The following KCNH1 variants were observed in gnomAD, a reference collection of about 807,000 sequenced individuals.
KCNH1 encodes voltage-gated delayed rectifier potassium channel KCNH1.
KCNH1 carries 27 observed loss-of-function variants against 69.2 expected under a neutral mutation model. That is an observed-to-expected ratio of 0.39 (90% CI 0.29 to 0.54). The LOEUF is 0.54. Among genes scored for constraint, KCNH1 ranks in the 20% least tolerant of loss-of-function variants. The pLI is 0.68. For synonymous variants in KCNH1, 456 were observed against 487.7 expected (o/e 0.93, Z 0.86); for missense variants, 798 against 1,261.6 (o/e 0.63, Z 5.57).
chr1:210,920,144 C>T (rs901821518), intron 6 of KCNH1, 75 bp from the exon 7 acceptor site: 103 of 1,339,726 alleles, frequency 7.7e-5, no homozygotes, highest in Non-Finnish European at 1.0e-4. Context: ...CCCACTTGGG[C>T]CATTATTTTA....
intron 10 of KCNH1, among the ~76,000 whole-genome samples, chr1:210,749,446 G>T (rs1204491496): frequency 6.6e-6 from 1 of 152,148 alleles, no homozygotes; most frequent in African/African-American, 2.4e-5. Flanking sequence ...GGCCCTAGTG[G>T]TAATGAACAG....
intron 7 of KCNH1, among the ~76,000 whole-genome samples, chr1:210,815,976 G>A (rs1684806317): frequency 6.6e-6 from 1 of 152,160 alleles, no homozygotes; most frequent in Admixed American, 6.5e-5. Flanking sequence ...GGACATCTGT[G>A]CTTCTTCCTC....
intron 5 of KCNH1, among the ~76,000 whole-genome samples, chr1:211,036,858 T>A (rs1689908316): frequency 6.6e-6 from 1 of 152,046 alleles, no homozygotes; most frequent in Non-Finnish European, 1.5e-5. Context: ...AGACTGGGAG[T>A]TCCCCAAAGG....
At chr1:210,927,904 G>T (rs186498412) in intron 6 of KCNH1, among the ~76,000 whole-genome samples, 1 of 152,070 alleles carries the variant, frequency 6.6e-6, no homozygotes, top group Non-Finnish European at 1.5e-5. Context: ...ATGAGCAGGA[G>T]TGGCTATTCT....
intron 7 of KCNH1, among the ~76,000 whole-genome samples, chr1:210,913,143 G>A (rs563570872): frequency 2.5e-4 from 38 of 152,252 alleles, no homozygotes; most frequent in African/African-American, 8.7e-4. Flanking sequence ...CAACTGAAAC[G>A]CATAGTAGTA....
At chr1:210,797,965 G>T (rs1684352218) in intron 8 of KCNH1, among the ~76,000 whole-genome samples, 1 of 151,854 alleles carries the variant, frequency 6.6e-6, no homozygotes, top group South Asian at 2.1e-4. Context: ...CAGGACAGGG[G>T]TCTGAGAATC....
intron 6 of KCNH1, among the ~76,000 whole-genome samples, chr1:210,971,415 C>A (rs1688509495): frequency 6.6e-6 from 1 of 152,118 alleles, no homozygotes; most frequent in Non-Finnish European, 1.5e-5. Context: ...ATTTTGAAAG[C>A]TGGTTGCTAA....
chr1:211,034,566 T>C (rs1472303252), intron 5 of KCNH1, among the ~76,000 whole-genome samples: 1 of 152,174 alleles, frequency 6.6e-6, no homozygotes. Context: ...GCAATTACCA[T>C]CAGGAGAAGC....
At chr1:210,884,518 C>T (rs1304468719) in intron 7 of KCNH1, among the ~76,000 whole-genome samples, 1 of 152,186 alleles carries the variant, frequency 6.6e-6, no homozygotes, top group African/African-American at 2.4e-5. Context: ...ATTTATAAGT[C>T]ATGGAGCTAG....
chr1:211,094,806 A>G (rs1477155683), intron 3 of KCNH1, among the ~76,000 whole-genome samples: 1 of 152,214 alleles, frequency 6.6e-6, no homozygotes, highest in African/African-American at 2.4e-5. Flanking sequence ...TCGTTTCTGG[A>G]ATTCTTTCAG....
At position 211,046,441 on chromosome 1, in the gene KCNH1, G is replaced by T. The variant is rs539619126; in HGVS notation, c.559-27185C>A. Among the ~76,000 whole-genome samples, 56 of 152,204 alleles carry T rather than the reference G, an allele frequency of 3.7e-4. 2 individuals are homozygous for T. The highest frequency in any genetic ancestry group is 1.3e-3 in the African/African-American group (55 of 41,522). ...CTTCCCCAGGAGCGAGGGTGTTATG[G>T]CATTGGTTATCATTTACTGAGTACT... On this transcript the variant is annotated intron_variant, in intron 5 of 10. Coordinates refer to ENST00000271751, the MANE Select transcript of KCNH1 (RefSeq NM_172362.3).
At chr1:211,054,118 C>T (rs74325862) in intron 5 of KCNH1, among the ~76,000 whole-genome samples, 4 of 131,854 alleles carry the variant, frequency 3.0e-5, no homozygotes, top group African/African-American at 1.1e-4. Context: ...AAAAATAATA[C>T]AAAAAAAAAA....
intron 6 of KCNH1, among the ~76,000 whole-genome samples, chr1:211,012,647 G>A (rs1210029190): frequency 1.3e-5 from 2 of 152,268 alleles, no homozygotes; most frequent in African/African-American, 4.8e-5. Context: ...GTGGAGCACA[G>A]GGGATGTTTA....
intron 3 of KCNH1, among the ~76,000 whole-genome samples, chr1:211,093,128 G>A (rs757017020): frequency 2.0e-4 from 30 of 152,018 alleles, no homozygotes; most frequent in Non-Finnish European, 4.1e-4. Context: ...GCACTGCACC[G>A]GCTGGGCCCG....
chr1:210,709,367 C>T (rs1681995987), intron 10 of KCNH1, among the ~76,000 whole-genome samples: 1 of 152,180 alleles, frequency 6.6e-6, no homozygotes, highest in African/African-American at 2.4e-5. Context: ...AGCAAACCAG[C>T]AGGAGGTGGG....
chr1:211,113,385 C>G (rs1691507812), intron 1 of KCNH1, among the ~76,000 whole-genome samples: 1 of 152,148 alleles, frequency 6.6e-6, no homozygotes, highest in Non-Finnish European at 1.5e-5. Flanking sequence ...TACAATGATG[C>G]CCTCTGGAAA....
chr1:210,972,227 G>T (rs1688523312), intron 6 of KCNH1, among the ~76,000 whole-genome samples: 1 of 151,614 alleles, frequency 6.6e-6, no homozygotes. Flanking sequence ...TTTTAATATA[G>T]TATCTCTTGA....
intron 10 of KCNH1, among the ~76,000 whole-genome samples, chr1:210,754,112 G>A (rs892387367): frequency 5.5e-4 from 83 of 151,850 alleles, no homozygotes; most frequent in African/African-American, 1.9e-3. Context: ...GTAGAGACGG[G>A]GTTTCACCAT....
chr1:210,863,633 T>A (rs1038353390), intron 7 of KCNH1, among the ~76,000 whole-genome samples: 3 of 152,220 alleles, frequency 2.0e-5, no homozygotes, highest in African/African-American at 7.2e-5. Flanking sequence ...GAATGGTACC[T>A]CCATCACTGA....
Sources: allele counts gnomAD v4.1 joint callset (sites outside exome capture counted in the v4.1 genomes callset), GRCh38; gene constraint gnomAD v4.1.1; transcripts MANE v1.5; gene names NCBI Gene and HGNC (gene_info 2026-07-23, HGNC 2026-07-21).